The following ARHGEF12 variants were observed in gnomAD, a reference collection of about 807,000 sequenced individuals.
The protein encoded by ARHGEF12 is Rho guanine nucleotide exchange factor 12, also known as KMT2A/ARHGEF12 fusion protein.
In ARHGEF12, 66 loss-of-function variants were observed where a neutral mutation model predicts 211.2. The observed-to-expected ratio is 0.31, with a 90% CI of 0.26 to 0.38. The LOEUF (loss-of-function observed/expected upper bound fraction) is 0.38, where lower values mean the gene tolerates loss of function less well. Ranked by LOEUF, ARHGEF12 falls within the 10% of genes least tolerant of loss-of-function variation. ARHGEF12 has a pLI of 1.00. For missense variants in ARHGEF12, 1,429 were observed against 1,869.5 expected (o/e 0.76, Z 4.34); for synonymous variants, 592 against 638.4 (o/e 0.93, Z 1.09).
At position 120,341,715 on chromosome 11, in the gene ARHGEF12, C is replaced by A. The variant is rs149915983; in HGVS notation, c.32+4440C>A. ...TACTTGCTTGTTTCCTAGAAATTGA[C>A]CATGACACATTTTCAAGAATAGTAG... On this transcript the variant is annotated intron_variant, in intron 1 of 40. Coordinates refer to ENST00000397843, the MANE Select transcript of ARHGEF12 (RefSeq NM_015313.3). 3.7e-3 allele frequency among the ~76,000 whole-genome samples: 559 copies of A among 152,296 alleles called. 1 individual carries two copies. The highest frequency in any genetic ancestry group is 0.013 in the African/African-American group (542 of 41,554).
intron 1 of ARHGEF12, among the ~76,000 whole-genome samples, chr11:120,381,861 T>G (rs1041983063): frequency 1.3e-5 from 2 of 152,240 alleles, no homozygotes; most frequent in Admixed American, 6.5e-5. Context: ...TCTGTGTCTC[T>G]ACTTTTGCAT....
intron 29 of ARHGEF12, among the ~76,000 whole-genome samples, chr11:120,468,558 C>G (rs1208306863): frequency 6.6e-6 from 1 of 152,226 alleles, no homozygotes; most frequent in Non-Finnish European, 1.5e-5. Flanking sequence ...AAGCAATTCC[C>G]CTGCCTCAGC....
intron 21 of ARHGEF12, 113 bp from the exon 22 acceptor site, chr11:120,451,399 G>A (rs926813971): frequency 3.6e-5 from 32 of 887,526 alleles, no homozygotes; most frequent in Middle Eastern, 3.4e-4. Context: ...GGATGGTCTC[G>A]ATCTCCTGAC....
intron 1 of ARHGEF12, among the ~76,000 whole-genome samples, chr11:120,384,210 G>C (rs1457045988): frequency 6.6e-6 from 1 of 152,098 alleles, no homozygotes; most frequent in Non-Finnish European, 1.5e-5. Context: ...CCTTTGCCAA[G>C]GTATATGTTC....
rs758703861 is a variant in ARHGEF12 at position 120,429,852 on chromosome 11, G to C, written c.783+21G>C. ...CTCAGGTAGCATCACTATTACAAGTGCTACCCAACTTTTTGCAGGAGAATT... is the reference window on the plus strand; with the variant it reads ...CTCAGGTAGCATCACTATTACAAGTCCTACCCAACTTTTTGCAGGAGAATT... On this transcript the variant is annotated intron_variant, in intron 10 of 40. Coordinates refer to ENST00000397843, the MANE Select transcript of ARHGEF12 (RefSeq NM_015313.3). The C allele has an allele frequency of 7.6e-6, 12 of 1,581,784 alleles. No individual in the cohort carries two copies. The African/African-American group carries it at 1.6e-4, about 22-fold the overall frequency.
intron 23 of ARHGEF12, 160 bp downstream of exon 23, chr11:120,457,410 C>G: frequency 1.2e-6 from 1 of 846,570 alleles, no homozygotes. Context: ...GAATCAATCA[C>G]TTAAACTCAG....
chr11:120,454,074 G>A (rs541545686), intron 22 of ARHGEF12, among the ~76,000 whole-genome samples: 1 of 152,172 alleles, frequency 6.6e-6, no homozygotes, highest in Non-Finnish European at 1.5e-5. Flanking sequence ...ATCGCTTGGA[G>A]TTCTGACATT....
intron 1 of ARHGEF12, among the ~76,000 whole-genome samples, chr11:120,350,712 G>A (rs114809842): frequency 0.013 from 1,926 of 152,188 alleles, 33 homozygotes; most frequent in African/African-American, 0.043. Flanking sequence ...AAATGGAAAA[G>A]ACATTGGTGT....
chr11:120,359,640 A>C (rs1421831910), intron 1 of ARHGEF12, among the ~76,000 whole-genome samples: 1 of 152,230 alleles, frequency 6.6e-6, no homozygotes, highest in African/African-American at 2.4e-5. Flanking sequence ...ATGAGTTCTT[A>C]GCTAGTGCTA....
intron 1 of ARHGEF12, among the ~76,000 whole-genome samples, chr11:120,361,734 C>T (rs1297142396): frequency 6.6e-6 from 1 of 152,182 alleles, no homozygotes; most frequent in Non-Finnish European, 1.5e-5. Context: ...TCTAGTTTCA[C>T]ATTTATCTTG....
intron 1 of ARHGEF12, among the ~76,000 whole-genome samples, chr11:120,345,093 T>C (rs1942662711): frequency 6.6e-6 from 1 of 152,238 alleles, no homozygotes; most frequent in Non-Finnish European, 1.5e-5. Context: ...CTTATTTTGC[T>C]GTTGTTCTTC....
At chr11:120,418,606 A>G (rs1244370699) in intron 4 of ARHGEF12, among the ~76,000 whole-genome samples, 1 of 152,186 alleles carries the variant, frequency 6.6e-6, no homozygotes, top group Non-Finnish European at 1.5e-5. Flanking sequence ...TTTATAAGAA[A>G]TTTCCAAACA....
At chr11:120,353,483 G>A (rs1943049984) in intron 1 of ARHGEF12, among the ~76,000 whole-genome samples, 1 of 152,154 alleles carries the variant, frequency 6.6e-6, no homozygotes, top group Non-Finnish European at 1.5e-5. Context: ...TGAGATTGTG[G>A]TCTAAAAGGG....
At chr11:120,468,878 T>G (rs1336095810) in intron 29 of ARHGEF12, among the ~76,000 whole-genome samples, 1 of 152,246 alleles carries the variant, frequency 6.6e-6, no homozygotes, top group Non-Finnish European at 1.5e-5. Flanking sequence ...AAAATTTTGT[T>G]TAACAAGTTC....
intron 21 of ARHGEF12, chr11:120,449,964 C>G (rs1184329388): frequency 2.0e-5 from 3 of 152,154 alleles, no homozygotes; most frequent in African/African-American, 7.2e-5. Context: ...CCCTTTCACC[C>G]CAGGCCCAAT....
rs1378451111 is a variant in ARHGEF12, at chr11:120,449,190, C to T, written c.1819C>T (p.Pro607Ser). The change falls in exon 21 of 41, where the codon CCA (proline) becomes TCA (serine). Residue 607 changes from proline to serine, a missense_variant. Physicochemically the swap from Pro to Ser is moderately conservative, Grantham distance 74 (BLOSUM62 -1). Around this residue, in one of 7 missense-constraint regions of ARHGEF12, gnomAD observed 373 missense variants for 467.5 expected, o/e 0.80. Transcript: ENST00000397843. ...FPSILGPPRR[P>S]SRHDNSAIGR... The stretch of plus-strand genomic sequence containing the variant: ...CAGCATCCTGGGACCCCCACGGAGA[C>T]CAAGCCGTCATGACAACAGTGCAAG... 1 of 1,614,076 alleles carries T rather than the reference C, an allele frequency of 6.2e-7. No homozygotes were observed. The highest frequency in any genetic ancestry group is 1.7e-5 in the Admixed American group (1 of 60,020).
At chr11:120,429,157 G>T (rs1945448762) in intron 8 of ARHGEF12, among the ~76,000 whole-genome samples, 2 of 152,134 alleles carry the variant, frequency 1.3e-5, no homozygotes, top group South Asian at 4.1e-4. Flanking sequence ...GAAAGTAAAA[G>T]ATACTATTCT....
chr11:120,398,831 C>T (rs1047601138), intron 1 of ARHGEF12, among the ~76,000 whole-genome samples: 8 of 151,900 alleles, frequency 5.3e-5, no homozygotes, highest in African/African-American at 1.9e-4. Flanking sequence ...GGTTATGATC[C>T]GTTTTTTGTT....
Position 120,395,471 on chromosome 11 carries a change from A to G in ARHGEF12, c.33-10647A>G, listed in dbSNP as rs151032882. On this transcript the variant is annotated intron_variant, in intron 1 of 40. Coordinates refer to ENST00000397843, the MANE Select transcript of ARHGEF12 (RefSeq NM_015313.3). ...CATGCTGAGCTTAATATAGATACAG[A>G]TATATGGATAGCTACAGAAAGAATT... Among the ~76,000 whole-genome samples, 6 of 152,326 alleles carry G rather than the reference A, an allele frequency of 3.9e-5. No homozygotes were observed. The East Asian group carries it at 9.6e-4, about 24-fold the overall frequency.
Sources: allele counts gnomAD v4.1 joint callset (sites outside exome capture counted in the v4.1 genomes callset), GRCh38; gene constraint gnomAD v4.1.1; regional missense constraint gnomAD v4.1.1; transcripts MANE v1.5; gene names NCBI Gene and HGNC (gene_info 2026-07-23, HGNC 2026-07-21).